Variants in TTN observed in about 807,000 individuals in gnomAD.
TTN encodes the protein titin.
TTN carries 1,525 observed loss-of-function variants against 3,223.0 expected under a neutral mutation model. The observed-to-expected ratio is 0.47, with a 90% CI of 0.45 to 0.49. TTN has a LOEUF of 0.49. TTN is among the 20% of genes least tolerant of loss of function. The pLI is 0.00. For synonymous variants in TTN, 14,094 were observed against 15,161.0 expected (o/e 0.93, Z 5.17); for missense variants, 40,786 against 43,424.0 (o/e 0.94, Z 5.40).
At position 178,730,487 on chromosome 2, in the gene TTN, G is replaced by A. The variant is rs1308231684; in HGVS notation, c.18028+18C>T. On this transcript the variant is annotated intron_variant, in intron 61 of 362. Transcript: ENST00000589042. ...ATATTTTGTAAGTTCTTGATAAGTG[G>A]AAATAAAATTTGCCAACCTTTGACT... 1 of 1,582,324 alleles carries A rather than the reference G, an allele frequency of 6.3e-7. No individual in the cohort carries two copies. The highest frequency in any genetic ancestry group is 8.6e-7 in the Non-Finnish European group (1 of 1,163,282).
In TTN at chr2:178,624,680, C is replaced by T. The variant is rs1317888739; in HGVS notation, c.44600G>A (p.Gly14867Glu). 1 of 1,612,414 alleles carries T rather than the reference C, an allele frequency of 6.2e-7. No individual in the cohort carries two copies. The highest frequency in any genetic ancestry group is 8.5e-7 in the Non-Finnish European group (1 of 1,179,028). ...KPLEDQTVEEGATAVLECEVS... is the reference protein window; with the variant it reads ...KPLEDQTVEEEATAVLECEVS... ...TTCACACTCCAGCACTGCAGTGGCT[C>T]CCTCTTCGACCGTCTGGTCCTCAAG... is the stretch of plus-strand genomic sequence containing the variant. The change falls in exon 242 of 363, where the codon GGA becomes GAA. Residue 14867 changes from glycine to glutamate, a missense_variant. Physicochemically the swap from Gly to Glu is moderately conservative, Grantham distance 98 (BLOSUM62 -2). Transcript: ENST00000589042.
chr2:178,535,515 A>G lies in TTN; in HGVS notation c.101100T>C (p.Asp33700=), dbSNP rs780693579. ...PDPPRGVKVS[D]VSRDSVNLTW... ...TTAAGTTGACAGAATCTCGTGAGAC[A>G]TCACTAACTTTGACTCCTCTGGGTG... Residue 33700 remains aspartate (D), a synonymous_variant, in exon 358 of 363, where the codon GAT becomes GAC. Transcript: ENST00000589042. The G allele has an allele frequency of 1.2e-6, 2 of 1,613,918 alleles. No individual in the cohort carries two copies. Among genetic ancestry groups the G allele is most frequent in the Non-Finnish European group, 1.7e-6 (2 of 1,179,830 alleles).
At position 178,583,072 on chromosome 2, in the gene TTN, T is replaced by C. The variant is rs372565084; in HGVS notation, c.65731A>G (p.Lys21911Glu). The C allele has an allele frequency of 1.6e-5, 26 of 1,611,400 alleles. No individual in the cohort carries two copies. In the African/African-American group the frequency reaches 3.3e-4, roughly 21 times the overall value. The part of the protein sequence containing the change: ...GTLLKPAEGI[K>E]MAMQRNLCTL... ...CACAGATTCCGCTGCATGGCCATCT[T>C]TATGCCTTCTGCTGGTTTTAGCAGT... Residue 21911 changes from lysine (K) to glutamate (E), a missense_variant, in exon 313 of 363, where the codon AAG becomes GAG. Transcript: ENST00000589042.
Position 178,775,402 on chromosome 2 carries a change from G to A in TTN, c.6462C>T (p.Ile2154=). ...EDSASIMVKA[I]NIAGETSSHA... is the part of the protein sequence containing the mutation. The stretch of plus-strand genomic sequence containing the variant: ...GACTGGAGGTTTCTCCAGCTATGTT[G>A]ATGGCTTTTACCATGATGCTGGCAG... Residue 2154 remains isoleucine (I), a synonymous_variant, in exon 28 of 363, where the codon ATC becomes ATT. Transcript: ENST00000589042. 1.9e-6 allele frequency: 3 copies of A among 1,614,030 alleles called. No individual in the cohort carries two copies. In the South Asian group the frequency reaches 3.3e-5, roughly 18 times the overall value.
rs914726368 is a variant in TTN at position 178,731,357 on chromosome 2, C to G, written c.17409G>C (p.Gln5803His). The change falls in exon 59 of 363, where the codon CAG becomes CAC. Residue 5803 changes from glutamine (Q) to histidine (H), a missense_variant. Gln to His is a conservative substitution (Grantham distance 24, BLOSUM62 0). Coordinates refer to ENST00000589042, the MANE Select transcript of TTN (RefSeq NM_001267550.2). ...EVKHDGKYVC[Q>H]AKNDAGIQRC... ...TTTGTATTCCTGCATCATTTTTGGCCTGACAGACATATTTCCCATCATGCT... is the reference window on the plus strand; with the variant it reads ...TTTGTATTCCTGCATCATTTTTGGCGTGACAGACATATTTCCCATCATGCT... The G allele has an allele frequency of 6.2e-7, 1 of 1,613,774 alleles. No homozygotes were observed. The highest frequency in any genetic ancestry group is 1.1e-5 in the South Asian group (1 of 91,074).
Position 178,696,228 on chromosome 2 carries a change from T to G in TTN, c.30844A>C (p.Lys10282Gln), listed in dbSNP as rs1298855573. 2 of 1,563,124 alleles carry G rather than the reference T, an allele frequency of 1.3e-6. No homozygotes were observed. Residue 10282 changes from lysine (K) to glutamine (Q), a missense_variant, in exon 114 of 363, where the codon AAA becomes CAA. By Grantham distance (53) the Lys-to-Gln change is moderately conservative (BLOSUM62 1). Coordinates refer to ENST00000589042, the MANE Select transcript of TTN (RefSeq NM_001267550.2). Reference protein sequence around the residue: ...IDVSSKAEEVKIMTITRKKEV... With the variant: ...IDVSSKAEEVQIMTITRKKEV... ...TTCTTTCTGGTTATAGTCATTATTT[T>G]TACTTCTTCAGCTTTAGAGGATACA...
Position 178,694,888 on chromosome 2 carries a change from A to G in TTN, c.31289T>C (p.Ile10430Thr). 6.4e-7 allele frequency: 1 copy of G among 1,555,730 alleles called. No individual in the cohort carries two copies. Among genetic ancestry groups the G allele is most frequent in the South Asian group, 1.2e-5 (1 of 83,992 alleles). ...TCGAGAAGTCTTTTCAATTTTTTCA[A>G]TTACTGGCTTCTTTATAACTGCAAG... ...PPPKVIKKPV[I>T]EKIEKTSRRM... The change falls in exon 116 of 363, where the codon ATT (isoleucine) becomes ACT (threonine). Residue 10430 changes from isoleucine (I) to threonine (T), a missense_variant. Coordinates refer to ENST00000589042, the MANE Select transcript of TTN (RefSeq NM_001267550.2).
chr2:178,535,394 G>C lies in TTN; in HGVS notation c.101221C>G (p.Gln33741Glu). ...ACGGTATAACGTGTTTCTCGGGCCT[G>C]TCCTACACGGAGCCATCTTTCTGCA... ...TTAERWLRVG[Q>E]ARETRYTVIN... is the part of the protein sequence containing the mutation. Residue 33741 changes from glutamine (Q) to glutamate (E), a missense_variant, in exon 358 of 363, where the codon CAG becomes GAG. Physicochemically the swap from Gln to Glu is conservative, Grantham distance 29. Transcript: ENST00000589042. The C allele has an allele frequency of 6.2e-7, 1 of 1,613,880 alleles. No individual in the cohort carries two copies. Among genetic ancestry groups the C allele is most frequent in the Non-Finnish European group, 8.5e-7 (1 of 1,179,832 alleles).
chr2:178,539,068 A>T lies in TTN; in HGVS notation c.98867T>A (p.Met32956Lys). 1 of 1,613,768 alleles carries T rather than the reference A, an allele frequency of 6.2e-7. No individual in the cohort carries two copies. ...RHNKTQITTT[M>K]YTVTGLVPDA... ...GGGAACAAGCCCTGTGACAGTGTAC[A>T]TTGTGGTGGTGATCTGAGTCTTGTT... Residue 32956 changes from methionine (M) to lysine (K), a missense_variant, in exon 353 of 363, where the codon ATG (methionine) becomes AAG (lysine). By Grantham distance (95) the Met-to-Lys change is moderately conservative. Transcript: ENST00000589042.
At position 178,703,955 on chromosome 2, in the gene TTN, C is replaced by T. The variant is rs2742345; in HGVS notation, c.30223+192G>A. On this transcript the variant is annotated intron_variant, in intron 106 of 362. Transcript: ENST00000589042. ...AATCTAAAAGAACGATGCAAAAGAA[C>T]TGACACTCATTTGAATATTTCCCTT... Among the ~76,000 whole-genome samples the T allele has an allele frequency of 0.17, 26,248 of 152,160 alleles. 3,818 individuals carry two copies. Among genetic ancestry groups the T allele is most frequent in the African/African-American group, 0.38 (15,848 of 41,466 alleles).
chr2:178,664,124 C>A lies in TTN; in HGVS notation c.36281-26G>T, dbSNP rs766871445. 2.1e-5 allele frequency: 33 copies of A among 1,578,968 alleles called. No homozygotes were observed. The African/African-American group carries it at 3.6e-4, about 17-fold the overall frequency. On this transcript the variant is annotated intron_variant, in intron 168 of 362. Coordinates refer to ENST00000589042, the MANE Select transcript of TTN (RefSeq NM_001267550.2). Reference sequence around the variant, plus strand: ...CTTGAAAGATATTAGTATTTTTACACTCAGAAAATACAGAGATTACTAGAT... The same window carrying A: ...CTTGAAAGATATTAGTATTTTTACAATCAGAAAATACAGAGATTACTAGAT...
chr2:178,573,502 T>C lies in TTN; in HGVS notation c.72630A>G (p.Glu24210=), dbSNP rs1384344292. 3.3e-6 allele frequency: 5 copies of C among 1,498,374 alleles called. No homozygotes were observed. The highest frequency in any genetic ancestry group is 4.4e-6 in the Non-Finnish European group (5 of 1,127,300). The allele number at this position is 1,498,374 out of a possible 1,614,324, so 92.8% of individuals were successfully genotyped here. Residue 24210 remains glutamate (E), a synonymous_variant, in exon 326 of 363, where the codon GAA becomes GAG. Transcript: ENST00000589042. Reference sequence around the variant, plus strand: ...GATTCACTGCAAGCACAGGCTCTGATTCCAGTGGCTCTCCCACTCCATATT... The same window carrying C: ...GATTCACTGCAAGCACAGGCTCTGACTCCAGTGGCTCTCCCACTCCATATT... ...VNKYGVGEPL[E]SEPVLAVNPY...
At position 178,776,360 on chromosome 2, in the gene TTN, T is replaced by C; in HGVS notation, c.5504A>G (p.Gln1835Arg). 6.2e-7 allele frequency: 1 copy of C among 1,613,610 alleles called. No homozygotes were observed. Among genetic ancestry groups the C allele is most frequent in the Non-Finnish European group, 8.5e-7 (1 of 1,179,996 alleles). ...EGALTGVTTDQKEKQKPDIVL... is the reference protein window; with the variant it reads ...EGALTGVTTDRKEKQKPDIVL... ...AATGTCTGGCTTTTGCTTTTCTTTC[T>C]GATCTGTTGTTACACCTGTAAGTGC... Residue 1835 changes from glutamine (Q) to arginine (R), a missense_variant, in exon 28 of 363, where the codon CAG becomes CGG. Physicochemically the swap from Gln to Arg is conservative, Grantham distance 43. Coordinates refer to ENST00000589042, the MANE Select transcript of TTN (RefSeq NM_001267550.2).
Position 178,784,193 on chromosome 2 carries a change from A to G in TTN, c.2652T>C (p.Ala884=), listed in dbSNP as rs1324950353. 4 of 1,614,128 alleles carry G rather than the reference A, an allele frequency of 2.5e-6. No individual in the cohort carries two copies. The highest frequency in any genetic ancestry group is 2.5e-6 in the Non-Finnish European group (3 of 1,179,996). Residue 884 remains alanine (A), a synonymous_variant, in exon 16 of 363, where the codon GCT becomes GCC. Coordinates refer to ENST00000589042, the MANE Select transcript of TTN (RefSeq NM_001267550.2). ...EPTPLPQFPF[A]DTPDTYKSEA... ...CACTCTTGTAAGTATCTGGTGTGTC[A>G]GCGAAGGGGAACTGTGGCAAGGGTG...
chr2:178,602,607 A>T lies in TTN; in HGVS notation c.54812-17T>A, dbSNP rs1456547814. The T allele has an allele frequency of 4.8e-6, 7 of 1,466,264 alleles. No individual in the cohort carries two copies. The highest frequency in any genetic ancestry group is 6.3e-6 in the Non-Finnish European group (7 of 1,111,110). 90.8% of individuals were successfully genotyped at this position (1,466,264 alleles called of 1,614,324 possible). Reference sequence around the variant, plus strand: ...CCGGTGGAACTAATAACAAAAGAAAAAAAAAAGCTTCATCAGATTTTGAAG... The same window carrying T: ...CCGGTGGAACTAATAACAAAAGAAATAAAAAAGCTTCATCAGATTTTGAAG... On this transcript the variant is annotated splice_polypyrimidine_tract_variant and intron_variant, in intron 282 of 362. Coordinates refer to ENST00000589042, the MANE Select transcript of TTN (RefSeq NM_001267550.2).
rs1487036474 is a variant in TTN at position 178,602,453 on chromosome 2, T to C, written c.54949A>G (p.Thr18317Ala). The C allele has an allele frequency of 6.2e-7, 1 of 1,612,552 alleles. No homozygotes were observed. The highest frequency in any genetic ancestry group is 8.5e-7 in the Non-Finnish European group (1 of 1,179,174). The change falls in exon 283 of 363, where the codon ACT becomes GCT. Residue 18317 changes from threonine to alanine, a missense_variant. Coordinates refer to ENST00000589042, the MANE Select transcript of TTN (RefSeq NM_001267550.2). ...YIVEMQEEGT[T>A]DWKRVNEPDK... is the part of the protein sequence containing the mutation. ...GGTTCATTTACTCTTTTCCAGTCAG[T>C]AGTACCTTCTTCTTGCATTTCTACA...
At position 178,570,430 on chromosome 2, in the gene TTN, C is replaced by A. The variant is rs1056574481; in HGVS notation, c.75702G>T (p.Gly25234=). The change falls in exon 326 of 363, where the codon GGG becomes GGT. Residue 25234 remains glycine, a synonymous_variant. Coordinates refer to ENST00000589042, the MANE Select transcript of TTN (RefSeq NM_001267550.2). ...LAWKPPLQDG[G]SDIINYIVER... is the part of the protein sequence containing the mutation. ...CCACAATATAATTTATGATGTCACT[C>A]CCACCATCCTGAAGTGGGGGTTTCC... The A allele has an allele frequency of 1.2e-5, 19 of 1,612,998 alleles. No homozygotes were observed. In the African/African-American group the frequency reaches 2.5e-4, roughly 22 times the overall value.
rs753077114 is a variant in TTN at position 178,532,084 on chromosome 2, G to A, written c.104531C>T (p.Ser34844Phe). The A allele has an allele frequency of 1.9e-6, 3 of 1,613,944 alleles. No homozygotes were observed. The highest frequency in any genetic ancestry group is 1.1e-5 in the South Asian group (1 of 91,080). ...SRLLRRRRSL[S>F]PTYIELMRPV... ...CCTCATTAACTCAATATAAGTTGGA[G>A]ACAGGGAGCGCCGTCGTCTCAGTAG... Residue 34844 changes from serine (S) to phenylalanine (F), a missense_variant, in exon 358 of 363, where the codon TCT (serine) becomes TTT (phenylalanine). Ser to Phe is a radical substitution (Grantham distance 155). Coordinates refer to ENST00000589042, the MANE Select transcript of TTN (RefSeq NM_001267550.2).
At chr2:178,556,455 CA>C (rs1358914365) in intron 330 of TTN, 2,699 of 185,142 alleles carry the variant, frequency 0.015, no homozygotes, top group South Asian at 0.023. Context: ...AACAAACAAA[CA>C]AAAAAAAAAA....
Sources: allele counts gnomAD v4.1 joint callset (sites outside exome capture counted in the v4.1 genomes callset), GRCh38; gene constraint gnomAD v4.1.1; transcripts MANE v1.5; gene names NCBI Gene and HGNC (gene_info 2026-07-23, HGNC 2026-07-21).